The following TECRL variants were observed in gnomAD, a reference collection of about 807,000 sequenced individuals.
The protein encoded by TECRL is trans-2,3-enoyl-CoA reductase-like.
Under a neutral mutation model 52.8 loss-of-function variants are expected in TECRL, and 63 were observed. The observed-to-expected ratio is 1.19, with a 90% CI of 0.97 to 1.47. The LOEUF (loss-of-function observed/expected upper bound fraction) is 1.47, where lower values mean the gene tolerates loss of function less well. Among genes scored for constraint, TECRL ranks in the 40% most tolerant of loss-of-function variants. The pLI is 0.00. For missense variants in TECRL, 482 were observed against 429.6 expected, an observed-to-expected ratio of 1.12 and a Z score of -1.08; for synonymous variants, 164 against 141.9, an observed-to-expected ratio of 1.16 and a Z score of -1.10.
At chr4:64,309,680 A>T in intron 6 of TECRL, 146 bp downstream of exon 6, 1 of 659,996 alleles carries the variant, frequency 1.5e-6, no homozygotes, top group Non-Finnish European at 2.7e-6. Flanking sequence ...AAAAAGAATG[A>T]CATTTTAGGA....
intron 8 of TECRL, chr4:64,299,398 T>G (rs1240647688): frequency 1.3e-5 from 2 of 151,196 alleles, no homozygotes; most frequent in Non-Finnish European, 3.0e-5. Flanking sequence ...GTTAAAGAGC[T>G]TATAAGCACT....
Position 64,278,064 on chromosome 4 carries a change from G to A in TECRL, c.*2008C>T, listed in dbSNP as rs1481917312. 4.6e-5 allele frequency: 7 copies of A among 150,858 alleles called. No individual in the cohort carries two copies. Among genetic ancestry groups the A allele is most frequent in the Admixed American group, 4.6e-4 (7 of 15,118 alleles). 9.3% of individuals were successfully genotyped at this position (150,858 alleles called of 1,614,324 possible). ...TATATTTGTGTATGTGTATATATAT[G>A]TGTATATATATACACATATACACAC... On this transcript the variant is annotated 3_prime_UTR_variant, in exon 12 of 12. Coordinates refer to ENST00000381210, the MANE Select transcript of TECRL (RefSeq NM_001010874.5).
At chr4:64,307,829 A>G (rs1362691671) in intron 6 of TECRL, among the ~76,000 whole-genome samples, 1 of 152,208 alleles carries the variant, frequency 6.6e-6, no homozygotes, top group Admixed American at 6.5e-5. Flanking sequence ...TTTGGATATG[A>G]GCTTCATATC....
intron 2 of TECRL, among the ~76,000 whole-genome samples, chr4:64,332,675 C>T (rs183415926): frequency 5.1e-4 from 78 of 152,048 alleles, no homozygotes; most frequent in Admixed American, 1.4e-3. Flanking sequence ...CTAGAAACTA[C>T]GGAAAGAAAC....
rs1362415162 is a variant in TECRL, at chr4:64,278,739, A to G, written c.*1333T>C. 1 of 152,172 alleles carries G rather than the reference A, an allele frequency of 6.6e-6. No homozygotes were observed. The highest frequency in any genetic ancestry group is 1.5e-5 in the Non-Finnish European group (1 of 68,022). The allele number at this position is 152,172 out of a possible 1,614,324, so 9.4% of individuals were successfully genotyped here. Reference sequence around the variant, plus strand: ...ACCAAGCTGTAACTTTGTATCCTTTAACAAATCTCTCTCTAGTCTCCCTTT... The same window carrying G: ...ACCAAGCTGTAACTTTGTATCCTTTGACAAATCTCTCTCTAGTCTCCCTTT... On this transcript the variant is annotated 3_prime_UTR_variant, in exon 12 of 12. Coordinates refer to ENST00000381210, the MANE Select transcript of TECRL (RefSeq NM_001010874.5).
chr4:64,356,955 T>C (rs761300217), intron 2 of TECRL, among the ~76,000 whole-genome samples: 1 of 152,210 alleles, frequency 6.6e-6, no homozygotes, highest in Non-Finnish European at 1.5e-5. Context: ...ATTATCTCTA[T>C]ACTTTCTCAA....
chr4:64,289,596 C>A, intron 9 of TECRL, 114 bp downstream of exon 9: 3 of 793,492 alleles, frequency 3.8e-6, no homozygotes, highest in Non-Finnish European at 5.8e-6. Flanking sequence ...AAATGTGGCA[C>A]ATGTATTTCC....
chr4:64,339,660 G>T (rs1296366635), intron 2 of TECRL, among the ~76,000 whole-genome samples: 1 of 151,700 alleles, frequency 6.6e-6, no homozygotes, highest in Non-Finnish European at 1.5e-5. Flanking sequence ...CTGCCCTTTA[G>T]GTCCTTGATC....
Position 64,279,839 on chromosome 4 carries a change from A to G in TECRL, c.*233T>C. On this transcript the variant is annotated 3_prime_UTR_variant, in exon 12 of 12. Transcript: ENST00000381210. ...GTAAGACAATTTTATTCAAGGACCA[A>G]TCCCATGCAAATACATTCAGAGCTG... is the stretch of plus-strand genomic sequence containing the variant. 3 of 1,056,860 alleles carry G rather than the reference A, an allele frequency of 2.8e-6. No homozygotes were observed. The highest frequency in any genetic ancestry group is 3.4e-6 in the Non-Finnish European group (3 of 876,832). 65.5% of individuals were successfully genotyped at this position (1,056,860 alleles called of 1,614,324 possible).
intron 1 of TECRL, among the ~76,000 whole-genome samples, chr4:64,396,741 A>G (rs1560558118): frequency 1.3e-5 from 2 of 152,072 alleles, no homozygotes; most frequent in Middle Eastern, 3.4e-3. Context: ...TCCTAGTTCC[A>G]TGATTGTATT....
chr4:64,403,197 TTCTTTACAAATGTA>T (rs1418602964), intron 1 of TECRL, among the ~76,000 whole-genome samples: 2 of 152,010 alleles, frequency 1.3e-5, no homozygotes, highest in Non-Finnish European at 2.9e-5. Flanking sequence ...CATTACATTG[TTCTTTACAAATGTA>T]TCTTCTCTAA....
At chr4:64,359,676 G>T (rs891040825) in intron 2 of TECRL, among the ~76,000 whole-genome samples, 3 of 151,982 alleles carry the variant, frequency 2.0e-5, no homozygotes, top group Non-Finnish European at 4.4e-5. Flanking sequence ...CTTCAAGAAT[G>T]ATTAGCTATG....
intron 2 of TECRL, among the ~76,000 whole-genome samples, chr4:64,352,898 G>A (rs1363712735): frequency 2.0e-5 from 3 of 152,004 alleles, no homozygotes; most frequent in African/African-American, 7.2e-5. Flanking sequence ...ATTTATTATT[G>A]TTTTTACAGA....
At chr4:64,391,509 C>T (rs1723546553) in intron 1 of TECRL, among the ~76,000 whole-genome samples, 1 of 151,850 alleles carries the variant, frequency 6.6e-6, no homozygotes, top group African/African-American at 2.4e-5. Context: ...AACATCAACA[C>T]TCAAACAGTT....
At chr4:64,345,827 C>A (rs1271416669) in intron 2 of TECRL, among the ~76,000 whole-genome samples, 1 of 133,568 alleles carries the variant, frequency 7.5e-6, no homozygotes, top group African/African-American at 2.7e-5. Flanking sequence ...TGCAGGTAAT[C>A]TTTTCCACTT....
chr4:64,345,389 T>C (rs547365237), intron 2 of TECRL, among the ~76,000 whole-genome samples: 1 of 152,160 alleles, frequency 6.6e-6, no homozygotes, highest in East Asian at 1.9e-4. Flanking sequence ...GATGAGTTCA[T>C]GTCCTTTGTA....
At chr4:64,385,598 G>T (rs773143188) in intron 1 of TECRL, among the ~76,000 whole-genome samples, 1 of 152,086 alleles carries the variant, frequency 6.6e-6, no homozygotes, top group Non-Finnish European at 1.5e-5. Context: ...GGATATGAGG[G>T]GATGTCAGTG....
At chr4:64,375,030 A>G (rs888312113) in intron 2 of TECRL, 142 bp downstream of exon 2, 6 of 371,020 alleles carry the variant, frequency 1.6e-5, no homozygotes, top group Non-Finnish European at 3.0e-5. Flanking sequence ...CCAAAGAAAT[A>G]TTAAGCAAAC....
chr4:64,374,746 C>CT (rs963090658), intron 2 of TECRL, among the ~76,000 whole-genome samples: 26 of 151,978 alleles, frequency 1.7e-4, no homozygotes, highest in African/African-American at 5.8e-4. Flanking sequence ...TGAACTCATC[C>CT]TTTTTTATGG....
Sources: allele counts gnomAD v4.1 joint callset (sites outside exome capture counted in the v4.1 genomes callset), GRCh38; gene constraint gnomAD v4.1.1; transcripts MANE v1.5; gene names NCBI Gene and HGNC (gene_info 2026-07-23, HGNC 2026-07-21).